Variants in TLK1 observed in about 807,000 individuals in gnomAD.
TLK1 encodes the protein serine/threonine-protein kinase tousled-like 1.
TLK1 carries 24 observed loss-of-function variants against 105.3 expected under a neutral mutation model. The observed-to-expected ratio is 0.23, with a 90% CI of 0.17 to 0.32. The LOEUF is 0.32. TLK1 is among the 10% of genes least tolerant of loss of function. The probability of loss-of-function intolerance (pLI) is 1.00; values close to 1 mark genes in which losing one functional copy is unlikely to be tolerated. For synonymous variants in TLK1, 321 were observed against 310.4 expected (o/e 1.03, Z -0.36); for missense variants, 558 against 910.5 (o/e 0.61, Z 4.98).
At chr2:171,189,446 T>C (rs1253127392) in intron 1 of TLK1, among the ~76,000 whole-genome samples, 5 of 152,204 alleles carry the variant, frequency 3.3e-5, no homozygotes, top group African/African-American at 9.6e-5. Context: ...ATTATGATAG[T>C]ACAATTTTAA....
chr2:171,199,074 G>T (rs992031791), intron 1 of TLK1, among the ~76,000 whole-genome samples: 5 of 152,192 alleles, frequency 3.3e-5, no homozygotes, highest in Non-Finnish European at 7.3e-5. Context: ...GTTTTCCAAA[G>T]AGCCATCTGT....
At chr2:171,115,232 C>T (rs993072323) in intron 2 of TLK1, among the ~76,000 whole-genome samples, 7 of 141,190 alleles carry the variant, frequency 5.0e-5, no homozygotes, top group Non-Finnish European at 1.5e-5. Context: ...AGTGCAATGG[C>T]GCCATCTTGG....
chr2:171,069,862 T>C (rs1389189027), intron 3 of TLK1, among the ~76,000 whole-genome samples: 1 of 152,216 alleles, frequency 6.6e-6, no homozygotes, highest in Admixed American at 6.5e-5. Flanking sequence ...GTAACCAACA[T>C]AAACAAAAGC....
At chr2:171,116,533 C>G (rs1690434462) in intron 2 of TLK1, among the ~76,000 whole-genome samples, 1 of 151,876 alleles carries the variant, frequency 6.6e-6, no homozygotes, top group Non-Finnish European at 1.5e-5. Flanking sequence ...AACCCCGTCT[C>G]TACTAAAAAT....
At chr2:171,149,773 G>C (rs2105594228) in intron 1 of TLK1, among the ~76,000 whole-genome samples, 1 of 152,232 alleles carries the variant, frequency 6.6e-6, no homozygotes, top group South Asian at 2.1e-4. Context: ...GGATATGGTG[G>C]CGTGCACCTG....
chr2:171,015,695 ACACATAT>A (rs1377881965), intron 12 of TLK1, among the ~76,000 whole-genome samples: 73 of 3,708 alleles, frequency 0.02, no homozygotes, highest in African/African-American at 0.031. Flanking sequence ...TCATACACAC[ACACATAT>A]ACACACACAC....
rs1684644977 is a variant in TLK1, at chr2:171,006,173, T to C, written c.1878A>G (p.Leu626=). 1 of 1,602,076 alleles carries C rather than the reference T, an allele frequency of 6.2e-7. No homozygotes were observed. The highest frequency in any genetic ancestry group is 8.5e-7 in the Non-Finnish European group (1 of 1,175,308). ...DDSYGVDGMD[L]TSQGAGTYWY... ...AGTAAGTGCCTGCCCCCTGGGAAGT[T>C]AGATCCATTCCATCTACACCATAGC... Residue 626 remains leucine (L), a synonymous_variant, in exon 18 of 21, where the codon CTA becomes CTG. Transcript: ENST00000431350.
chr2:171,208,137 C>G (rs1326884541), intron 1 of TLK1, among the ~76,000 whole-genome samples: 1 of 151,882 alleles, frequency 6.6e-6, no homozygotes, highest in African/African-American at 2.4e-5. Context: ...TCTTTTTTTA[C>G]TTTTGGCTTT....
intron 1 of TLK1, among the ~76,000 whole-genome samples, chr2:171,168,738 C>G (rs1692661088): frequency 6.6e-6 from 1 of 152,066 alleles, no homozygotes; most frequent in Non-Finnish European, 1.5e-5. Context: ...AGAACTATCA[C>G]AACAATATAG....
intron 20 of TLK1, among the ~76,000 whole-genome samples, chr2:170,994,358 CAT>C (rs1419112650): frequency 1.3e-5 from 2 of 151,980 alleles, no homozygotes; most frequent in African/African-American, 4.8e-5. Context: ...TTCCTACTGA[CAT>C]AAAGACTTTC....
rs1392011233 is a variant in TLK1, at chr2:171,160,308, A to G, written c.121T>C (p.Ser41Pro). ...TGCTTACCTTCCCTGGGCCTCCCGGATGGCGGCGTGTGATTCAGCAGGGAC... is the reference window on the plus strand; with the variant it reads ...TGCTTACCTTCCCTGGGCCTCCCGGGTGGCGGCGTGTGATTCAGCAGGGAC... ...ARSLLNHTPP[S>P]GRPREGAMDE... is the part of the protein sequence containing the mutation. The change falls in exon 1 of 21, where the codon TCC becomes CCC. Residue 41 changes from serine (S) to proline (P), a missense_variant. This residue lies in a region of TLK1 where 104 missense variants were observed against 116.0 expected (regional missense o/e 0.90). Transcript: ENST00000431350. This position sits in a 1 kb window ranked among gnomAD's most constrained non-coding sequence, Gnocchi z 4.4. 22 of 1,585,324 alleles carry G rather than the reference A, an allele frequency of 1.4e-5. No individual in the cohort carries two copies. In the Admixed American group the frequency reaches 3.0e-4, roughly 22 times the overall value.
chr2:170,996,568 C>T, intron 20 of TLK1, 85 bp downstream of exon 20: 2 of 1,109,174 alleles, frequency 1.8e-6, no homozygotes, highest in Non-Finnish European at 2.6e-6. Flanking sequence ...TGTGACTTTA[C>T]TTACTGGAAA....
intron 12 of TLK1, among the ~76,000 whole-genome samples, chr2:171,023,853 T>C (rs1685649114): frequency 6.6e-6 from 1 of 152,204 alleles, no homozygotes; most frequent in Admixed American, 6.5e-5. Flanking sequence ...TCTGACTATA[T>C]AATCAACCTA....
intron 1 of TLK1, among the ~76,000 whole-genome samples, chr2:171,175,919 GT>G (rs113219656): frequency 0.049 from 7,310 of 148,492 alleles, 465 homozygotes; most frequent in East Asian, 0.3. Flanking sequence ...GGATATCAAG[GT>G]TTTTTTTTTG....
intron 1 of TLK1, among the ~76,000 whole-genome samples, chr2:171,127,289 AAAAAG>A (rs869159578): frequency 0.036 from 5,318 of 146,372 alleles, 137 homozygotes; most frequent in Non-Finnish European, 0.051. Flanking sequence ...AAAAAAAAAA[AAAAAG>A]AAAGAAAAAA....
chr2:171,124,347 C>T (rs1439173620), intron 1 of TLK1, among the ~76,000 whole-genome samples: 6 of 152,162 alleles, frequency 3.9e-5, no homozygotes, highest in Non-Finnish European at 7.3e-5. Flanking sequence ...AAAAACATTA[C>T]TCAATCTTCA....
chr2:171,066,522 C>T (rs1211243486), intron 3 of TLK1, among the ~76,000 whole-genome samples: 1 of 152,136 alleles, frequency 6.6e-6, no homozygotes, highest in Non-Finnish European at 1.5e-5. Context: ...GCATTCACAA[C>T]CGTATCAGTA....
chr2:171,150,650 G>A (rs1691995310), intron 1 of TLK1, among the ~76,000 whole-genome samples: 1 of 152,186 alleles, frequency 6.6e-6, no homozygotes, highest in Non-Finnish European at 1.5e-5. Flanking sequence ...AAGTGTGGTT[G>A]CTAAGCTAAA....
intron 10 of TLK1, among the ~76,000 whole-genome samples, chr2:171,048,717 T>C (rs1416327020): frequency 1.3e-5 from 2 of 152,252 alleles, no homozygotes; most frequent in Non-Finnish European, 2.9e-5. Context: ...GTTGAATAAA[T>C]CTGCTGAGAG....
Sources: allele counts gnomAD v4.1 joint callset (sites outside exome capture counted in the v4.1 genomes callset), GRCh38; gene constraint gnomAD v4.1.1; regional missense constraint gnomAD v4.1.1; non-coding constraint Gnocchi (gnomAD v3.1); transcripts MANE v1.5; gene names NCBI Gene and HGNC (gene_info 2026-07-23, HGNC 2026-07-21).